The following DOCK9 variants were observed in gnomAD, a reference collection of about 807,000 sequenced individuals.
The protein encoded by DOCK9 is dedicator of cytokinesis protein 9.
A neutral mutation model predicts 263.3 loss-of-function variants in DOCK9; 89 were observed. The observed-to-expected ratio is 0.34, with a 90% CI of 0.28 to 0.40. The LOEUF is 0.40. Among genes scored for constraint, DOCK9 ranks in the 10% least tolerant of loss-of-function variants. DOCK9 has a pLI of 1.00. For synonymous variants in DOCK9, 976 were observed against 973.1 expected, an observed-to-expected ratio of 1.00 and a Z score of -0.06; for missense variants, 2,140 against 2,603.4, an observed-to-expected ratio of 0.82 and a Z score of 3.87.
At chr13:98,890,429 C>G (rs2046440981) in intron 15 of DOCK9, among the ~76,000 whole-genome samples, 1 of 152,190 alleles carries the variant, frequency 6.6e-6, no homozygotes, top group Non-Finnish European at 1.5e-5. Flanking sequence ...TCTGCTGAAG[C>G]CTTTGCACTC....
At chr13:98,940,987 G>A (rs7987131) in intron 2 of DOCK9, among the ~76,000 whole-genome samples, 98,120 of 151,930 alleles carry the variant, frequency 0.65, 32,481 homozygotes, top group Middle Eastern at 0.72. Context: ...CAGCATGACC[G>A]AAGACCTTTT....
At chr13:98,882,491 C>T (rs1193495620) in intron 23 of DOCK9, among the ~76,000 whole-genome samples, 2 of 152,140 alleles carry the variant, frequency 1.3e-5, no homozygotes, top group Non-Finnish European at 2.9e-5. Flanking sequence ...TGTCCCCATG[C>T]CCTTTTAGCT....
At chr13:99,071,021 C>T (rs904841403) in intron 1 of DOCK9, among the ~76,000 whole-genome samples, 3 of 152,160 alleles carry the variant, frequency 2.0e-5, no homozygotes, top group Non-Finnish European at 4.4e-5. Context: ...GAGCTACCAA[C>T]CCCCTGCACA....
At chr13:98,975,317 G>A (rs926423438) in intron 1 of DOCK9, among the ~76,000 whole-genome samples, 15 of 150,364 alleles carry the variant, frequency 1.0e-4, no homozygotes, top group African/African-American at 3.7e-4. Context: ...GGCCGAGATC[G>A]TACCACTGCA....
At chr13:98,944,382 G>GAGAA (rs1555418373) in intron 2 of DOCK9, among the ~76,000 whole-genome samples, 8 of 73,178 alleles carry the variant, frequency 1.1e-4, no homozygotes, top group African/African-American at 3.2e-4. Flanking sequence ...CACTATATGA[G>GAGAA]AAAAAAAAAA....
chr13:98,922,276 T>C (rs1392812891), intron 5 of DOCK9, 130 bp from the exon 6 acceptor site: 2 of 587,676 alleles, frequency 3.4e-6, no homozygotes, highest in South Asian at 2.2e-5. Context: ...GAAGCACCCA[T>C]TGACACCAAT....
intron 1 of DOCK9, among the ~76,000 whole-genome samples, chr13:99,014,289 C>T (rs1885037805): frequency 6.6e-6 from 1 of 152,228 alleles, no homozygotes; most frequent in South Asian, 2.1e-4. Context: ...GCTAGTCCTT[C>T]TAATCTCTGA....
Position 98,826,836 on chromosome 13 carries a change from G to A in DOCK9, c.5017C>T (p.Arg1673Trp), listed in dbSNP as rs371892069. The A allele has an allele frequency of 4.5e-5, 73 of 1,607,722 alleles. No individual in the cohort carries two copies. Among genetic ancestry groups the A allele is most frequent in the African/African-American group, 9.3e-5 (7 of 74,908 alleles). ...CATGAGAATAATTCCTTACCTTTCC[G>A]TGTGAGATATTCTGCCACTAGGGCT... ...VTALVAEYLTRKGVFRQGCTA... is the reference protein window; with the variant it reads ...VTALVAEYLTWKGVFRQGCTA... The change falls in exon 44 of 53, where the codon CGG becomes TGG. Residue 1673 changes from arginine to tryptophan, a missense_variant. Around this residue, in one of 2 missense-constraint regions of DOCK9, gnomAD observed 619 missense variants for 861.8 expected, o/e 0.72. Coordinates refer to ENST00000682017, the MANE Select transcript of DOCK9 (RefSeq NM_001366683.2).
intron 33 of DOCK9, chr13:98,860,094 T>A: frequency 4.5e-6 from 4 of 883,212 alleles, no homozygotes; most frequent in Non-Finnish European, 5.8e-6. Flanking sequence ...TGCAAAAATA[T>A]CCCTTAACAG....
At chr13:98,890,020 T>C (rs2139020127) in intron 15 of DOCK9, among the ~76,000 whole-genome samples, 1 of 152,366 alleles carries the variant, frequency 6.6e-6, no homozygotes, top group African/African-American at 2.4e-5. Context: ...CCTTTATTTA[T>C]ATAATTATAT....
At position 99,068,715 on chromosome 13, in the gene DOCK9, G is replaced by C. The variant is rs534916006; in HGVS notation, c.129+17508C>G. 1.1e-4 allele frequency among the ~76,000 whole-genome samples: 16 copies of C among 149,024 alleles called. No individual in the cohort carries two copies. In the East Asian group the frequency reaches 2.7e-3, roughly 25 times the overall value. On this transcript the variant is annotated intron_variant, in intron 1 of 32. Coordinates refer to the DOCK9 transcript ENST00000427887. ...AACAGCAGTTACTTTCGATCTTTTA[G>C]GAAAAAAATAACATAGAAGATTCTT...
chr13:98,842,812 T>C (rs1195237927), intron 38 of DOCK9, among the ~76,000 whole-genome samples: 3 of 152,262 alleles, frequency 2.0e-5, no homozygotes, highest in Non-Finnish European at 1.5e-5. Flanking sequence ...TAAAGTTTAT[T>C]TTCCATACAC....
Position 98,880,633 on chromosome 13 carries a change from T to C in DOCK9, c.2785A>G (p.Lys929Glu). 1 of 1,613,922 alleles carries C rather than the reference T, an allele frequency of 6.2e-7. No homozygotes were observed. Among genetic ancestry groups the C allele is most frequent in the Non-Finnish European group, 8.5e-7 (1 of 1,179,864 alleles). Residue 929 changes from lysine to glutamate, a missense_variant, in exon 26 of 53, where the codon AAG becomes GAG. This residue lies in a region of DOCK9 where 1,521 missense variants were observed against 1,741.7 expected (regional missense o/e 0.87). Transcript: ENST00000682017. ...TTGGTCAGTTCTTCATGCACTGTCT[T>C]GTATTCAGAGGCAACATATGGCTCA... ...KAEPYVASEY[K>E]TVHEELTKSM...
intron 27 of DOCK9, among the ~76,000 whole-genome samples, chr13:98,869,498 A>ATTT (rs1181793144): frequency 1.3e-5 from 2 of 152,206 alleles, no homozygotes; most frequent in African/African-American, 4.8e-5. Context: ...AAACAGAATA[A>ATTT]TTTACTGAGA....
intron 1 of DOCK9, among the ~76,000 whole-genome samples, chr13:99,073,714 T>C (rs2041791968): frequency 6.6e-6 from 1 of 152,194 alleles, no homozygotes; most frequent in Non-Finnish European, 1.5e-5. Context: ...GGTGTTCACT[T>C]TTCTTCCTTA....
At chr13:99,053,858 C>A (rs1231090032) in intron 1 of DOCK9, among the ~76,000 whole-genome samples, 6 of 152,144 alleles carry the variant, frequency 3.9e-5, no homozygotes, top group Admixed American at 6.5e-5. Context: ...CTCACTCACC[C>A]TCCTACTCCC....
chr13:98,967,462 T>C (rs1462012092), intron 1 of DOCK9, among the ~76,000 whole-genome samples: 1 of 152,220 alleles, frequency 6.6e-6, no homozygotes, highest in Admixed American at 6.5e-5. Context: ...GAGAATTAGA[T>C]GGTTTACTGA....
At chr13:98,863,595 CT>C in intron 30 of DOCK9, 47 bp from the exon 31 acceptor site, 2 of 1,536,910 alleles carry the variant, frequency 1.3e-6, no homozygotes, top group Non-Finnish European at 1.8e-6. Context: ...ATGCAATGCT[CT>C]TTGAATAAAA....
At chr13:99,053,828 C>T (rs1438191209) in intron 1 of DOCK9, among the ~76,000 whole-genome samples, 1 of 152,088 alleles carries the variant, frequency 6.6e-6, no homozygotes, top group Non-Finnish European at 1.5e-5. Flanking sequence ...GAGCGAAGCA[C>T]CCCACACCCT....
Sources: allele counts gnomAD v4.1 joint callset (sites outside exome capture counted in the v4.1 genomes callset), GRCh38; gene constraint gnomAD v4.1.1; regional missense constraint gnomAD v4.1.1; transcripts MANE v1.5; gene names NCBI Gene and HGNC (gene_info 2026-07-23, HGNC 2026-07-21).